The following SHROOM3 variants were observed in gnomAD, a reference collection of about 807,000 sequenced individuals.
The protein encoded by SHROOM3 is shroom family member 3, also known as protein Shroom3.
SHROOM3 carries 47 observed loss-of-function variants against 138.6 expected under a neutral mutation model. That is an observed-to-expected ratio of 0.34 (90% CI 0.27 to 0.43). The LOEUF is 0.43. Among genes scored for constraint, SHROOM3 ranks in the 20% least tolerant of loss-of-function variants. The pLI is 1.00. For synonymous variants in SHROOM3, 1,062 were observed against 1,063.3 expected (o/e 1.00, Z 0.02); for missense variants, 2,491 against 2,596.5 (o/e 0.96, Z 0.88).
chr4:76,715,626 T>C (rs1720350667), intron 3 of SHROOM3, among the ~76,000 whole-genome samples: 1 of 152,230 alleles, frequency 6.6e-6, no homozygotes, highest in Admixed American at 6.5e-5. Flanking sequence ...TCTGATGTAA[T>C]TATTAAGCAT....
At chr4:76,558,309 C>T (rs1350570543) in intron 2 of SHROOM3, among the ~76,000 whole-genome samples, 1 of 152,172 alleles carries the variant, frequency 6.6e-6, no homozygotes, top group Non-Finnish European at 1.5e-5. Flanking sequence ...GCTCTCTAAG[C>T]CCCAGTTTCC....
At chr4:76,604,398 T>C (rs1024802610) in intron 2 of SHROOM3, among the ~76,000 whole-genome samples, 1 of 152,208 alleles carries the variant, frequency 6.6e-6, no homozygotes, top group African/African-American at 2.4e-5. Flanking sequence ...CAGGTAAAGA[T>C]GGTTTTGCAG....
chr4:76,750,339 A>C (rs1313388932), intron 6 of SHROOM3, among the ~76,000 whole-genome samples: 1 of 152,250 alleles, frequency 6.6e-6, no homozygotes, highest in African/African-American at 2.4e-5. Context: ...GGTAAAAAAA[A>C]GAACAAGATC....
At chr4:76,661,472 C>T (rs952848361) in intron 2 of SHROOM3, among the ~76,000 whole-genome samples, 3 of 151,990 alleles carry the variant, frequency 2.0e-5, no homozygotes, top group Non-Finnish European at 2.9e-5. Context: ...CCTCATGATC[C>T]GCCCACCTCG....
intron 2 of SHROOM3, among the ~76,000 whole-genome samples, chr4:76,579,596 C>T (rs1318434781): frequency 6.6e-6 from 1 of 152,252 alleles, no homozygotes; most frequent in African/African-American, 2.4e-5. Flanking sequence ...AGAAGTCAGA[C>T]GATCTGGCAG....
chr4:76,734,817 A>G (rs545350171), intron 4 of SHROOM3, among the ~76,000 whole-genome samples: 2 of 151,352 alleles, frequency 1.3e-5, no homozygotes, highest in East Asian at 4.0e-4. Flanking sequence ...TCTCTTTCAC[A>G]TAACCAAAGG....
intron 2 of SHROOM3, among the ~76,000 whole-genome samples, chr4:76,659,040 A>T (rs970344285): frequency 2.6e-5 from 4 of 151,714 alleles, no homozygotes; most frequent in Non-Finnish European, 5.9e-5. Flanking sequence ...ACCAAAAAAA[A>T]AAAGGCTCAT....
intron 1 of SHROOM3, among the ~76,000 whole-genome samples, chr4:76,460,633 G>A (rs529401722): frequency 6.6e-6 from 1 of 151,886 alleles, no homozygotes; most frequent in Non-Finnish European, 1.5e-5. Context: ...CCTTCTTACT[G>A]TATCCTAGCA....
At chr4:76,774,899 G>A (rs1219254611) in intron 10 of SHROOM3, among the ~76,000 whole-genome samples, 2 of 151,756 alleles carry the variant, frequency 1.3e-5, no homozygotes, top group African/African-American at 4.8e-5. Flanking sequence ...ATTTTGTATT[G>A]AGGTATACTT....
At position 76,781,985 on chromosome 4, in the gene SHROOM3, T is replaced by A. The variant is rs908721013; in HGVS notation, c.*2808T>A. On this transcript the variant is annotated 3_prime_UTR_variant, in exon 11 of 11. Transcript: ENST00000296043. ...GAACTCAGGTGAGATAATCTTGCAA[T>A]ACTCCAAATGCAGATACTCCAGCCA... 3.9e-5 allele frequency: 6 copies of A among 152,180 alleles called. No individual in the cohort carries two copies. The highest frequency in any genetic ancestry group is 1.4e-4 in the African/African-American group (6 of 41,446). 9.4% of individuals were successfully genotyped at this position (152,180 alleles called of 1,614,324 possible). A position where few individuals can be genotyped will look rare whatever the true frequency, so the allele number is the denominator to read the frequency against.
At chr4:76,648,533 G>A (rs1002478903) in intron 2 of SHROOM3, among the ~76,000 whole-genome samples, 10 of 151,900 alleles carry the variant, frequency 6.6e-5, no homozygotes, top group East Asian at 3.9e-4. Flanking sequence ...CCTCCTCCTC[G>A]GCCCACCCTT....
intron 3 of SHROOM3, among the ~76,000 whole-genome samples, chr4:76,723,622 T>C (rs1200883517): frequency 1.3e-5 from 2 of 152,184 alleles, no homozygotes; most frequent in Admixed American, 6.5e-5. Flanking sequence ...CTCTCCCACC[T>C]CATTGCACAG....
chr4:76,749,954 C>T (rs946871324), intron 6 of SHROOM3, among the ~76,000 whole-genome samples: 2 of 152,262 alleles, frequency 1.3e-5, no homozygotes, highest in African/African-American at 2.4e-5. Flanking sequence ...CTCCTTTCTA[C>T]GTTTTTAAGC....
At chr4:76,448,783 A>G (rs1395040415) in intron 1 of SHROOM3, among the ~76,000 whole-genome samples, 1 of 152,172 alleles carries the variant, frequency 6.6e-6, no homozygotes, top group Non-Finnish European at 1.5e-5. Flanking sequence ...CCATTTAGAG[A>G]ATGCTTACTA....
chr4:76,451,147 G>A (rs1223919796), intron 1 of SHROOM3, among the ~76,000 whole-genome samples: 1 of 152,004 alleles, frequency 6.6e-6, no homozygotes, highest in Non-Finnish European at 1.5e-5. Context: ...ATGGGGCTTC[G>A]CCATGTTGGC....
Position 76,692,836 on chromosome 4 carries a change from G to A in SHROOM3, c.324-17320G>A, listed in dbSNP as rs1210081677. On this transcript the variant is annotated intron_variant, in intron 2 of 10. Transcript: ENST00000296043. ...GACAGAAGTCAGTGGTTGCCAGTGG[G>A]TAGGGACTGACTAGAAAGAGATAAG... Among the ~76,000 whole-genome samples the A allele has an allele frequency of 2.0e-5, 3 of 152,242 alleles. 1 individual carries two copies. The highest frequency in any genetic ancestry group is 1.3e-4 in the Admixed American group (2 of 15,288).
chr4:76,521,518 A>G (rs1464375930), intron 1 of SHROOM3, among the ~76,000 whole-genome samples: 2 of 152,234 alleles, frequency 1.3e-5, no homozygotes, highest in East Asian at 3.8e-4. Context: ...CCTGATAACA[A>G]TATTCCAAAG....
In SHROOM3 at chr4:76,740,341, C is replaced by T. The variant is rs778672855; in HGVS notation, c.2168C>T (p.Pro723Leu). The T allele has an allele frequency of 1.5e-5, 24 of 1,612,966 alleles. No individual in the cohort carries two copies. In the Admixed American group the frequency reaches 2.5e-4, roughly 17 times the overall value. Residue 723 changes from proline to leucine, a missense_variant, in exon 5 of 11, where the codon CCG becomes CTG. Around this residue, in one of 4 missense-constraint regions of SHROOM3, gnomAD observed 1,733 missense variants for 1,661.6 expected, o/e 1.04. Coordinates refer to ENST00000296043, the MANE Select transcript of SHROOM3 (RefSeq NM_020859.4). The surrounding 1 kb of genome is among the most constrained non-coding windows in gnomAD (Gnocchi z 4.0). ...CATCTGGACCGGCAGGTTTCCTACC[C>T]GCGGCCCGAGGGGAGGACCGGTGCC... ...GSHLDRQVSY[P>L]RPEGRTGASA... is the part of the protein sequence containing the mutation.
At chr4:76,514,157 A>G (rs556434194) in intron 1 of SHROOM3, among the ~76,000 whole-genome samples, 1 of 152,338 alleles carries the variant, frequency 6.6e-6, no homozygotes, top group South Asian at 2.1e-4. Context: ...CAGGAATTGC[A>G]CTGCTAGGTA....
Sources: gnomAD v4.1 joint callset for allele counts (sites outside exome capture counted in the v4.1 genomes callset) on GRCh38, gnomAD v4.1.1 for gene constraint, gnomAD v4.1.1 regional missense constraint, Gnocchi (gnomAD v3.1) non-coding constraint, MANE v1.5 for transcripts, NCBI Gene and HGNC (gene_info 2026-07-23, HGNC 2026-07-21) for gene names.